ANTXR2: variants seen among roughly 807,000 people sequenced by gnomAD.
The protein encoded by ANTXR2 is ANTXR cell adhesion molecule 2.
ANTXR2 carries 44 observed loss-of-function variants against 73.7 expected under a neutral mutation model. That is an observed-to-expected ratio of 0.60 (90% CI 0.47 to 0.77). ANTXR2 has a LOEUF of 0.77. Ranked by LOEUF, ANTXR2 falls within the 30% of genes least tolerant of loss-of-function variation. The pLI is 0.00. For missense variants in ANTXR2, 604 were observed against 592.5 expected (o/e 1.02, Z -0.20); for synonymous variants, 217 against 205.9 (o/e 1.05, Z -0.46).
intron 7 of ANTXR2, among the ~76,000 whole-genome samples, chr4:80,044,134 T>G (rs1259942486): frequency 6.6e-6 from 1 of 151,960 alleles, no homozygotes; most frequent in Non-Finnish European, 1.5e-5. Context: ...TTTTTACAAC[T>G]ATTGAATAAT....
chr4:80,067,800 G>T (rs922501530), intron 3 of ANTXR2, among the ~76,000 whole-genome samples: 1 of 152,106 alleles, frequency 6.6e-6, no homozygotes, highest in Non-Finnish European at 1.5e-5. Flanking sequence ...TGAACAATGA[G>T]AACACATGAA....
At chr4:80,058,558 T>G (rs1734106466) in intron 3 of ANTXR2, among the ~76,000 whole-genome samples, 1 of 151,910 alleles carries the variant, frequency 6.6e-6, no homozygotes, top group African/African-American at 2.4e-5. Context: ...CTCAGACCCT[T>G]GAAGAATCCC....
chr4:79,945,445 T>C (rs891534629), intron 16 of ANTXR2, among the ~76,000 whole-genome samples: 3 of 152,128 alleles, frequency 2.0e-5, no homozygotes, highest in South Asian at 2.1e-4. Context: ...ATAGTTCTTA[T>C]GCATTTACTC....
intron 3 of ANTXR2, among the ~76,000 whole-genome samples, chr4:80,059,759 G>A (rs1052834318): frequency 7.9e-5 from 12 of 152,078 alleles, no homozygotes; most frequent in East Asian, 1.9e-4. Flanking sequence ...GAGGGGAGAA[G>A]AGGAGAGGAG....
chr4:80,018,296 C>T (rs1006778167), intron 11 of ANTXR2, among the ~76,000 whole-genome samples: 3 of 151,942 alleles, frequency 2.0e-5, no homozygotes, highest in Non-Finnish European at 4.4e-5. Flanking sequence ...TATAAATCCA[C>T]AAAATTAAAT....
chr4:79,909,788 T>C (rs971130132), intron 16 of ANTXR2, among the ~76,000 whole-genome samples: 3 of 152,196 alleles, frequency 2.0e-5, no homozygotes, highest in Non-Finnish European at 4.4e-5. Context: ...CAACAGCTGA[T>C]AATGTCTGGG....
intron 7 of ANTXR2, among the ~76,000 whole-genome samples, chr4:80,053,466 G>C (rs1296452810): frequency 6.6e-6 from 1 of 151,562 alleles, no homozygotes; most frequent in Non-Finnish European, 1.5e-5. Context: ...TCTTTAAAGA[G>C]AAATTTAAAA....
At chr4:79,935,041 T>C (rs1383600976) in intron 16 of ANTXR2, among the ~76,000 whole-genome samples, 2 of 151,912 alleles carry the variant, frequency 1.3e-5, no homozygotes, top group Admixed American at 1.3e-4. Flanking sequence ...CATGTATACA[T>C]ATGTAACTAA....
chr4:80,026,884 A>G (rs1056817032), intron 10 of ANTXR2, among the ~76,000 whole-genome samples: 3 of 152,170 alleles, frequency 2.0e-5, no homozygotes, highest in African/African-American at 7.2e-5. Flanking sequence ...ATGTGTTAAA[A>G]GACATTGCCA....
intron 16 of ANTXR2, among the ~76,000 whole-genome samples, chr4:79,918,555 C>G (rs370113340): frequency 6.6e-6 from 1 of 152,024 alleles, no homozygotes; most frequent in South Asian, 2.1e-4. Context: ...ATGGAACACT[C>G]TAAAATAGTA....
At chr4:79,944,740 C>G (rs1344353360) in intron 16 of ANTXR2, among the ~76,000 whole-genome samples, 1 of 152,108 alleles carries the variant, frequency 6.6e-6, no homozygotes, top group Non-Finnish European at 1.5e-5. Flanking sequence ...GCCCATTAAT[C>G]TTTTAAATAC....
At chr4:79,937,436 C>T (rs1387583760) in intron 16 of ANTXR2, among the ~76,000 whole-genome samples, 3 of 152,166 alleles carry the variant, frequency 2.0e-5, no homozygotes, top group Non-Finnish European at 1.5e-5. Context: ...CTGTAACATA[C>T]TCACAGAAAG....
chr4:80,036,541 C>T (rs911396839), intron 7 of ANTXR2, among the ~76,000 whole-genome samples: 3 of 152,060 alleles, frequency 2.0e-5, no homozygotes, highest in African/African-American at 7.2e-5. Flanking sequence ...TGGCTCATGC[C>T]TATAATCGCA....
At chr4:79,949,762 G>A (rs986067862) in intron 16 of ANTXR2, among the ~76,000 whole-genome samples, 1 of 152,078 alleles carries the variant, frequency 6.6e-6, no homozygotes, top group African/African-American at 2.4e-5. Context: ...GCATGTAGAA[G>A]GTATGGAATA....
At chr4:79,960,024 T>C (rs1427255987) in intron 16 of ANTXR2, among the ~76,000 whole-genome samples, 1 of 152,174 alleles carries the variant, frequency 6.6e-6, no homozygotes, top group African/African-American at 2.4e-5. Flanking sequence ...GTAAACATGA[T>C]ATTTGAACGT....
chr4:79,911,262 A>G (rs1727119905), intron 16 of ANTXR2, among the ~76,000 whole-genome samples: 1 of 152,222 alleles, frequency 6.6e-6, no homozygotes, highest in Non-Finnish European at 1.5e-5. Flanking sequence ...TTATCAAGGT[A>G]GCAAGCAAAG....
At chr4:79,918,528 A>G (rs1727444265) in intron 16 of ANTXR2, among the ~76,000 whole-genome samples, 1 of 152,156 alleles carries the variant, frequency 6.6e-6, no homozygotes, top group African/African-American at 2.4e-5. Context: ...TTAAAAAACA[A>G]TGAAGGACAC....
chr4:79,934,935 T>C (rs1298156534), intron 16 of ANTXR2, among the ~76,000 whole-genome samples: 1 of 152,012 alleles, frequency 6.6e-6, no homozygotes, highest in East Asian at 1.9e-4. Flanking sequence ...AGGAACTGAC[T>C]TTGGGCCTTC....
In ANTXR2 at chr4:80,030,305, T is replaced by C. The variant is rs569161437; in HGVS notation, c.866+1318A>G. On this transcript the variant is annotated intron_variant, in intron 10 of 16. Transcript: ENST00000403729. ...TGGAAAATACAGTTTGGGAGATAGATTGGGGGAATATTCAGGAGGACCAAC... is the reference window on the plus strand; with the variant it reads ...TGGAAAATACAGTTTGGGAGATAGACTGGGGGAATATTCAGGAGGACCAAC... Among the ~76,000 whole-genome samples, 4 of 151,924 alleles carry C rather than the reference T, an allele frequency of 2.6e-5. No individual in the cohort carries two copies. The East Asian group carries it at 5.8e-4, about 22-fold the overall frequency.
Sources: gnomAD v4.1 joint callset for allele counts (sites outside exome capture counted in the v4.1 genomes callset) on GRCh38, gnomAD v4.1.1 for gene constraint, MANE v1.5 for transcripts, NCBI Gene and HGNC (gene_info 2026-07-23, HGNC 2026-07-21) for gene names.